The following ISM1 variants were observed in gnomAD, a reference collection of about 807,000 sequenced individuals.
ISM1 encodes the protein isthmin-1.
ISM1 carries 25 observed loss-of-function variants against 46.3 expected under a neutral mutation model. The ratio of observed to expected loss-of-function variants is 0.54; its 90% CI spans 0.39 to 0.75. The LOEUF is 0.75. Ranked by LOEUF, ISM1 falls within the 30% of genes least tolerant of loss-of-function variation. The probability of loss-of-function intolerance (pLI) is 0.00; values close to 1 mark genes in which losing one functional copy is unlikely to be tolerated. For missense variants in ISM1, 536 were observed against 625.4 expected (o/e 0.86, Z 1.52); for synonymous variants, 255 against 256.7 (o/e 0.99, Z 0.06).
intron 1 of ISM1, among the ~76,000 whole-genome samples, chr20:13,225,881 G>A (rs1281430713): frequency 6.6e-6 from 1 of 152,008 alleles, no homozygotes; most frequent in Non-Finnish European, 1.5e-5. Context: ...CATAGATATG[G>A]ATATAGATAT....
chr20:13,310,024 T>C, the ISM1 span, among the ~76,000 whole-genome samples: 1 of 152,098 alleles, frequency 6.6e-6, no homozygotes, highest in African/African-American at 2.4e-5. Context: ...CCCAAAGCAA[T>C]CTACAAATTC....
intron 5 of ISM1, among the ~76,000 whole-genome samples, chr20:13,295,651 G>T (rs1322356525): frequency 6.6e-6 from 1 of 152,226 alleles, no homozygotes; most frequent in East Asian, 1.9e-4. Context: ...AAAGAGGAAG[G>T]CAGCAGGACT....
chr20:13,282,316 G>C (rs1049574733), intron 3 of ISM1, among the ~76,000 whole-genome samples: 4 of 152,212 alleles, frequency 2.6e-5, no homozygotes, highest in Non-Finnish European at 5.9e-5. Context: ...GTCTAGAAGT[G>C]AGACCTGGAG....
At chr20:13,277,842 T>G (rs1233994420) in intron 2 of ISM1, among the ~76,000 whole-genome samples, 1 of 152,140 alleles carries the variant, frequency 6.6e-6, no homozygotes, top group Non-Finnish European at 1.5e-5. Flanking sequence ...AAAGTCACCC[T>G]CTTGACCATG....
chr20:13,243,146 A>G (rs2039749642), intron 1 of ISM1, among the ~76,000 whole-genome samples: 1 of 150,896 alleles, frequency 6.6e-6, no homozygotes, highest in Non-Finnish European at 1.5e-5. Flanking sequence ...TTACCAAAAA[A>G]GAACTCTTGC....
chr20:13,255,056 A>G (rs2039911636), intron 1 of ISM1, among the ~76,000 whole-genome samples: 1 of 152,236 alleles, frequency 6.6e-6, no homozygotes, highest in Non-Finnish European at 1.5e-5. Flanking sequence ...ACACAGAAGA[A>G]AGCCCATAAA....
At chr20:13,225,047 G>GT (rs1158664992) in intron 1 of ISM1, among the ~76,000 whole-genome samples, 18 of 150,954 alleles carry the variant, frequency 1.2e-4, no homozygotes, top group Non-Finnish European at 1.5e-5. Context: ...TAGAGACGGG[G>GT]TTTCACCGTG....
intron 1 of ISM1, among the ~76,000 whole-genome samples, chr20:13,264,115 C>T (rs962693267): frequency 6.6e-6 from 1 of 152,128 alleles, no homozygotes; most frequent in Non-Finnish European, 1.5e-5. Flanking sequence ...TTATTTGTTG[C>T]CCCCTGAGCT....
chr20:13,298,567 T>G (rs1395580890), intron 5 of ISM1, among the ~76,000 whole-genome samples: 2 of 152,214 alleles, frequency 1.3e-5, no homozygotes, highest in African/African-American at 4.8e-5. Flanking sequence ...CCACAACATT[T>G]TTTAAAAGAT....
chr20:13,245,203 T>G (rs1033071919), intron 1 of ISM1: 1 of 152,190 alleles, frequency 6.6e-6, no homozygotes, highest in African/African-American at 2.4e-5. Flanking sequence ...GTTTATTATC[T>G]CAGAACTTCC....
intron 2 of ISM1, among the ~76,000 whole-genome samples, chr20:13,277,334 T>C (rs6078973): frequency 0.043 from 6,624 of 152,282 alleles, 203 homozygotes; most frequent in Non-Finnish European, 0.067. Flanking sequence ...TTACCATAAT[T>C]GTGGGCTTGC....
intron 3 of ISM1, among the ~76,000 whole-genome samples, chr20:13,282,984 G>A (rs1015417044): frequency 1.3e-5 from 2 of 152,064 alleles, no homozygotes; most frequent in South Asian, 2.1e-4. Flanking sequence ...CATCTTTTCC[G>A]GAATTCCATA....
intron 1 of ISM1, among the ~76,000 whole-genome samples, chr20:13,222,676 C>T (rs988318516): frequency 2.0e-5 from 3 of 152,184 alleles, no homozygotes; most frequent in African/African-American, 7.2e-5. Context: ...AACTTCAGGG[C>T]AAGGAGAGGG....
chr20:13,297,113 C>T (rs1305616715), intron 5 of ISM1, among the ~76,000 whole-genome samples: 1 of 152,174 alleles, frequency 6.6e-6, no homozygotes, highest in African/African-American at 2.4e-5. Flanking sequence ...GGAATTTGTG[C>T]TTCTGGCCTT....
intron 1 of ISM1, chr20:13,239,516 T>G (rs1056229575): frequency 1.3e-5 from 2 of 152,208 alleles, no homozygotes; most frequent in African/African-American, 4.8e-5. Context: ...GAACGTTCTG[T>G]GTCTTGGTCC....
At chr20:13,280,176 C>T (rs1167583068) in intron 3 of ISM1, among the ~76,000 whole-genome samples, 2 of 152,014 alleles carry the variant, frequency 1.3e-5, no homozygotes, top group African/African-American at 4.8e-5. Flanking sequence ...GCCTCCCCCG[C>T]CCCTCAAATT....
At chr20:13,316,714 T>C in the ISM1 span, among the ~76,000 whole-genome samples, 12 of 151,738 alleles carry the variant, frequency 7.9e-5, 1 homozygote, top group East Asian at 2.3e-3. Context: ...AGAAAAATCA[T>C]CTGACAAAAT....
intron 1 of ISM1, 97 bp downstream of exon 1, chr20:13,222,011 C>G (rs1600468291): frequency 9.0e-7 from 1 of 1,111,894 alleles, no homozygotes; most frequent in Non-Finnish European, 1.2e-6. Context: ...GGAGGCAGGT[C>G]CCCTGCCCCA....
Position 13,299,069 on chromosome 20 carries a change from C to CGACAT in ISM1, c.1006_1010dup (p.Ile337MetfsTer161). ...CCACTGAGGTGGCCTACAGCACGGC[C>CGACAT]GACATCTTCGACCGCATCAAGCGCA... On this transcript the variant is annotated frameshift_variant, in exon 6 of 6. Coordinates refer to ENST00000262487, the MANE Select transcript of ISM1 (RefSeq NM_080826.2). LOFTEE classifies it high-confidence loss of function. The surrounding 1 kb of genome is among the most constrained non-coding windows in gnomAD (Gnocchi z 5.8). 6.2e-7 allele frequency: 1 copy of CGACAT among 1,613,770 alleles called. No homozygotes were observed. Among genetic ancestry groups the CGACAT allele is most frequent in the East Asian group, 2.2e-5 (1 of 44,870 alleles).
Sources: allele counts gnomAD v4.1 joint callset (sites outside exome capture counted in the v4.1 genomes callset), GRCh38; gene constraint gnomAD v4.1.1; non-coding constraint Gnocchi (gnomAD v3.1); transcripts MANE v1.5; gene names NCBI Gene and HGNC (gene_info 2026-07-23, HGNC 2026-07-21).